The following PROM1 variants were observed in gnomAD, a reference collection of about 807,000 sequenced individuals.
The protein encoded by PROM1 is prominin 1.
A neutral mutation model predicts 116.9 loss-of-function variants in PROM1; 105 were observed. That is an observed-to-expected ratio of 0.90 (90% confidence interval 0.77 to 1.06). PROM1 has a LOEUF of 1.06. Ranked by LOEUF, PROM1 falls within the 50% of genes least tolerant of loss-of-function variation. PROM1 has a pLI of 0.00. For synonymous variants in PROM1, 393 were observed against 387.0 expected, an observed-to-expected ratio of 1.02 and a Z score of -0.18; for missense variants, 1,122 against 1,045.2, an observed-to-expected ratio of 1.07 and a Z score of -1.01.
At chr4:16,032,198 C>T (rs1041285792) in intron 5 of PROM1, among the ~76,000 whole-genome samples, 2 of 151,530 alleles carry the variant, frequency 1.3e-5, no homozygotes, top group Non-Finnish European at 2.9e-5. Context: ...GGTCTGCAAC[C>T]TGCTTTTTCA....
At chr4:15,980,248 A>G (rs751900498) in intron 24 of PROM1, 174 bp downstream of exon 24, 16 of 654,778 alleles carry the variant, frequency 2.4e-5, no homozygotes, top group Non-Finnish European at 4.0e-5. Flanking sequence ...CAAGTATAGA[A>G]AAATCAGTAC....
At chr4:16,020,121 C>G (rs1729478942) in intron 8 of PROM1, among the ~76,000 whole-genome samples, 2 of 152,162 alleles carry the variant, frequency 1.3e-5, no homozygotes, top group African/African-American at 4.8e-5. Flanking sequence ...AGGAGATGGT[C>G]TCCCCCATGC....
chr4:16,016,161 C>G lies in PROM1; in HGVS notation c.1077+5G>C, dbSNP rs192329508. 6.4e-7 allele frequency: 1 copy of G among 1,551,466 alleles called. No individual in the cohort carries two copies. Among genetic ancestry groups the G allele is most frequent in the Non-Finnish European group, 8.7e-7 (1 of 1,146,334 alleles). On this transcript the variant is annotated splice_donor_5th_base_variant and intron_variant, in intron 10 of 27. Coordinates refer to ENST00000447510, the MANE Select transcript of PROM1 (RefSeq NM_006017.3). ...TCAGTGATTGTATTTTTTCCAAAAGCATACCTGTTGGACCAGGCCATCCAA... is the reference window on the plus strand; with the variant it reads ...TCAGTGATTGTATTTTTTCCAAAAGGATACCTGTTGGACCAGGCCATCCAA...
intron 2 of PROM1, among the ~76,000 whole-genome samples, chr4:16,053,323 T>C (rs1467991746): frequency 1.3e-5 from 2 of 152,246 alleles, no homozygotes; most frequent in African/African-American, 2.4e-5. Flanking sequence ...ACAATCACTT[T>C]CCCTTTTCCA....
intron 1 of PROM1, chr4:16,079,895 C>T (rs1429852535): frequency 6.6e-6 from 1 of 151,422 alleles, no homozygotes. Context: ...AATTGATCTA[C>T]CCCAGCTGCT....
intron 8 of PROM1, among the ~76,000 whole-genome samples, chr4:16,020,939 G>T (rs895637208): frequency 6.6e-6 from 1 of 151,966 alleles, no homozygotes; most frequent in Non-Finnish European, 1.5e-5. Context: ...GATATCTAAG[G>T]TTCTTAATTT....
intron 2 of PROM1, among the ~76,000 whole-genome samples, chr4:16,054,752 C>T (rs145296830): frequency 1.3e-5 from 2 of 152,196 alleles, no homozygotes; most frequent in East Asian, 1.9e-4. Context: ...GCCAGATCCC[C>T]GACCTCCCAA....
At chr4:16,046,712 A>T (rs1736630631) in intron 2 of PROM1, among the ~76,000 whole-genome samples, 1 of 152,238 alleles carries the variant, frequency 6.6e-6, no homozygotes, top group African/African-American at 2.4e-5. Context: ...AAAGCCAGTC[A>T]CTTCAGCTCC....
chr4:15,987,164 C>T (rs1338388333), intron 20 of PROM1, among the ~76,000 whole-genome samples: 1 of 152,160 alleles, frequency 6.6e-6, no homozygotes, highest in Admixed American at 6.5e-5. Context: ...GGGCAGGGTG[C>T]CCATTCTGAG....
In PROM1 at chr4:16,051,730, G is replaced by T. The variant is rs760536286; in HGVS notation, c.221-12729C>A. ...CAAGACCCAGACTGTCTTTGGACAC[G>T]GAATGGTTTTTCTCCCAGCCGAGCA... On this transcript the variant is annotated intron_variant, in intron 2 of 27. Coordinates refer to ENST00000447510, the MANE Select transcript of PROM1 (RefSeq NM_006017.3). Among the ~76,000 whole-genome samples, 9 of 152,302 alleles carry T rather than the reference G, an allele frequency of 5.9e-5. No homozygotes were observed. The South Asian group carries it at 6.2e-4, about 11-fold the overall frequency.
At chr4:15,979,512 A>C in intron 25 of PROM1, 49 bp from the exon 26 acceptor site, 1 of 1,565,546 alleles carries the variant, frequency 6.4e-7, no homozygotes, top group South Asian at 1.2e-5. Flanking sequence ...CTCTAAGATG[A>C]AGTATTTACA....
rs186676979 is a variant in PROM1, at chr4:16,075,728, T to C, written c.179A>G (p.His60Arg). The C allele has an allele frequency of 8.1e-6, 13 of 1,613,788 alleles. No individual in the cohort carries two copies. Among genetic ancestry groups the C allele is most frequent in the Admixed American group, 6.7e-5 (4 of 60,020 alleles). The change falls in exon 2 of 28, where the codon CAT (histidine) becomes CGT (arginine). Residue 60 changes from histidine (H) to arginine (R), a missense_variant. Physicochemically the swap from His to Arg is conservative, Grantham distance 29 (BLOSUM62 0). Transcript: ENST00000447510. ...CGGCTGTACCACATAGAGAAAGATA[T>C]GCACTAGTTCAAAGAGAATGCCAAT... is the stretch of plus-strand genomic sequence containing the variant. ...GPIGILFELV[H>R]IFLYVVQPRD...
At chr4:15,977,873 C>T (rs570042013) in intron 26 of PROM1, among the ~76,000 whole-genome samples, 15 of 152,360 alleles carry the variant, frequency 9.8e-5, no homozygotes, top group East Asian at 1.9e-4. Context: ...GCTGGGATTA[C>T]AGGCATGAGC....
At chr4:16,040,835 A>T (rs773673422) in intron 2 of PROM1, among the ~76,000 whole-genome samples, 1 of 152,266 alleles carries the variant, frequency 6.6e-6, no homozygotes, top group Non-Finnish European at 1.5e-5. Flanking sequence ...ATCCATGGTA[A>T]GTGCAGTGTG....
At chr4:16,026,617 C>T (rs1731369108) in intron 5 of PROM1, among the ~76,000 whole-genome samples, 1 of 152,036 alleles carries the variant, frequency 6.6e-6, no homozygotes, top group Non-Finnish European at 1.5e-5. Flanking sequence ...ATTTTTTGTA[C>T]CTAAAATCCC....
intron 13 of PROM1, among the ~76,000 whole-genome samples, chr4:16,005,174 G>A (rs1725089688): frequency 6.6e-6 from 1 of 151,918 alleles, no homozygotes; most frequent in Non-Finnish European, 1.5e-5. Flanking sequence ...TGTTGGTCAG[G>A]CTGGTCTCGA....
At chr4:15,991,125 A>C in intron 18 of PROM1, 97 bp downstream of exon 18, 1 of 942,548 alleles carries the variant, frequency 1.1e-6, no homozygotes, top group Non-Finnish European at 1.6e-6. Context: ...GGGATTACTC[A>C]CAGTGTGAGG....
intron 26 of PROM1, among the ~76,000 whole-genome samples, chr4:15,976,749 C>A (rs1716238041): frequency 6.6e-6 from 1 of 152,188 alleles, no homozygotes; most frequent in African/African-American, 2.4e-5. Flanking sequence ...TTATTGGATG[C>A]AGCACATTCT....
At chr4:16,073,831 C>T (rs1232964900) in intron 2 of PROM1, among the ~76,000 whole-genome samples, 2 of 152,122 alleles carry the variant, frequency 1.3e-5, no homozygotes, top group South Asian at 2.1e-4. Flanking sequence ...AAGACATCTT[C>T]GAACTTGATC....
Sources: allele counts gnomAD v4.1 joint callset (sites outside exome capture counted in the v4.1 genomes callset), GRCh38; gene constraint gnomAD v4.1.1; transcripts MANE v1.5; gene names NCBI Gene and HGNC (gene_info 2026-07-23, HGNC 2026-07-21).